The following EEA1 variants were observed in gnomAD, a reference collection of about 807,000 sequenced individuals.
The protein encoded by EEA1 is early endosome antigen 1, 162kD.
In EEA1, 111 loss-of-function variants were observed where a neutral mutation model predicts 209.2. The observed-to-expected ratio is 0.53, with a 90% CI of 0.45 to 0.62. The LOEUF is 0.62. Ranked by LOEUF, EEA1 falls within the 20% of genes least tolerant of loss-of-function variation. EEA1 has a pLI of 0.00. For synonymous variants in EEA1, 536 were observed against 540.6 expected (o/e 0.99, Z 0.12); for missense variants, 1,343 against 1,530.8 (o/e 0.88, Z 2.05).
At chr12:92,874,424 G>A (rs193280840) in intron 2 of EEA1, among the ~76,000 whole-genome samples, 326 of 152,364 alleles carry the variant, frequency 2.1e-3, no homozygotes, top group Non-Finnish European at 2.4e-3. Context: ...GGAGTGCAGT[G>A]GCACAATCTC....
At chr12:92,810,660 T>C (rs1163836387) in intron 17 of EEA1, among the ~76,000 whole-genome samples, 1 of 152,066 alleles carries the variant, frequency 6.6e-6, no homozygotes, top group Non-Finnish European at 1.5e-5. Context: ...TAAAAATTTT[T>C]TTTTTTTTTA....
At chr12:92,858,971 C>G (rs1878010192) in intron 3 of EEA1, 1 of 691,190 alleles carries the variant, frequency 1.4e-6, no homozygotes, top group Admixed American at 2.2e-5. Flanking sequence ...CGTTCAGCTG[C>G]CTATGCTGCT....
Position 92,809,269 on chromosome 12 carries a change from ATTT to A in EEA1, c.2200-116_2200-114del, listed in dbSNP as rs976800706. ...AAACAGGTGTGACATACAAAAAAAA[ATTT>A]ATTATAATAAAAAACATATTCTGAA... is the stretch of plus-strand genomic sequence containing the variant. On this transcript the variant is annotated intron_variant, in intron 17 of 28. Transcript: ENST00000322349. 12 of 701,876 alleles carry A rather than the reference ATTT, an allele frequency of 1.7e-5. No individual in the cohort carries two copies. The Admixed American group carries it at 2.0e-4, about 12-fold the overall frequency. The allele number at this position is 701,876 out of a possible 1,614,324, so 43.5% of individuals were successfully genotyped here. A position where few individuals can be genotyped will look rare whatever the true frequency, so the allele number is the denominator to read the frequency against.
At chr12:92,884,975 T>TTG (rs397764534) in intron 2 of EEA1, among the ~76,000 whole-genome samples, 3 of 151,468 alleles carry the variant, frequency 2.0e-5, no homozygotes, top group African/African-American at 7.3e-5. Flanking sequence ...TTTTTTTTTT[T>TTG]GCAAACATGC....
intron 2 of EEA1, chr12:92,884,205 G>A: frequency 5.3e-6 from 8 of 1,502,318 alleles, no homozygotes; most frequent in East Asian, 2.3e-5. Flanking sequence ...GCCAAGAAAA[G>A]GGGCTTTGCC....
intron 18 of EEA1, among the ~76,000 whole-genome samples, chr12:92,806,596 AAAG>A (rs1875217773): frequency 6.6e-6 from 1 of 152,230 alleles, no homozygotes. Context: ...ACTATTTCAG[AAAG>A]GAGGAGGAAA....
rs2136642649 is a variant in EEA1, at chr12:92,773,421, ATACAC to A, written c.*2585_*2589del. On this transcript the variant is annotated 3_prime_UTR_variant, in exon 29 of 29. Transcript: ENST00000322349. ...GAGGTAGTTGAACAAAATGTTATTT[ATACAC>A]TGCATTGAGGTTTTTGTGTTTGTTT... is the stretch of plus-strand genomic sequence containing the variant. 1 of 152,288 alleles carries A rather than the reference ATACAC, an allele frequency of 6.6e-6. No homozygotes were observed. Among genetic ancestry groups the A allele is most frequent in the South Asian group, 2.1e-4 (1 of 4,826 alleles). The allele number at this position is 152,288 out of a possible 1,614,324, so 9.4% of individuals were successfully genotyped here.
intron 1 of EEA1, among the ~76,000 whole-genome samples, chr12:92,895,079 A>G (rs1444243176): frequency 2.0e-5 from 3 of 151,686 alleles, no homozygotes; most frequent in Non-Finnish European, 4.4e-5. Flanking sequence ...CGCTCTATAC[A>G]TAGAACAAGA....
chr12:92,802,327 T>G, intron 19 of EEA1, 77 bp downstream of exon 19: 1 of 1,325,170 alleles, frequency 7.5e-7, no homozygotes, highest in East Asian at 2.5e-5. Flanking sequence ...AAGCAAACTG[T>G]GAATTAAGCA....
chr12:92,807,907 T>C (rs1875293025), intron 18 of EEA1, among the ~76,000 whole-genome samples: 1 of 152,214 alleles, frequency 6.6e-6, no homozygotes, highest in Admixed American at 6.5e-5. Flanking sequence ...TTTGTAGACA[T>C]GTACAAGTTA....
At chr12:92,886,014 A>G (rs1405713950) in intron 2 of EEA1, among the ~76,000 whole-genome samples, 1 of 152,182 alleles carries the variant, frequency 6.6e-6, no homozygotes, top group Non-Finnish European at 1.5e-5. Flanking sequence ...ATTACGAGTG[A>G]CATCCAACAG....
intron 13 of EEA1, among the ~76,000 whole-genome samples, chr12:92,819,891 C>T (rs1045119265): frequency 2.6e-5 from 4 of 152,092 alleles, no homozygotes; most frequent in African/African-American, 9.7e-5. Context: ...GAACTCTTCC[C>T]CCACAGAGTC....
At chr12:92,848,201 T>C (rs940048354) in intron 9 of EEA1, among the ~76,000 whole-genome samples, 2 of 151,822 alleles carry the variant, frequency 1.3e-5, no homozygotes, top group African/African-American at 4.8e-5. Flanking sequence ...TCTAAGCCAT[T>C]TTCCTTCTTT....
chr12:92,869,894 T>C lies in EEA1; in HGVS notation c.118-4907A>G, dbSNP rs193083048. Among the ~76,000 whole-genome samples, 8 of 151,788 alleles carry C rather than the reference T, an allele frequency of 5.3e-5. No homozygotes were observed. The East Asian group carries it at 1.5e-3, about 29-fold the overall frequency. On this transcript the variant is annotated intron_variant, in intron 2 of 28. Transcript: ENST00000322349. The stretch of plus-strand genomic sequence containing the variant: ...CCACAAGGTCCAGAAGGATAACATG[T>C]GATAAAATGCTAACCAGATTTTCAA...
At chr12:92,813,369 CT>C (rs982600863) in intron 15 of EEA1, among the ~76,000 whole-genome samples, 2 of 152,024 alleles carry the variant, frequency 1.3e-5, no homozygotes, top group Non-Finnish European at 2.9e-5. Flanking sequence ...AAAAGGTACA[CT>C]TTTTTTCCAA....
rs1319312755 is a variant in EEA1, at chr12:92,852,965, T to G, written c.467A>C (p.Gln156Pro). The G allele has an allele frequency of 6.2e-7, 1 of 1,612,436 alleles. No homozygotes were observed. The highest frequency in any genetic ancestry group is 8.5e-7 in the Non-Finnish European group (1 of 1,179,360). Residue 156 changes from glutamine to proline, a missense_variant, in exon 7 of 29, where the codon CAA (glutamine) becomes CCA (proline). By Grantham distance (76) the Gln-to-Pro change is moderately conservative. Coordinates refer to ENST00000322349, the MANE Select transcript of EEA1 (RefSeq NM_003566.4). ...TTTCTGTTCAAATAAGTCTTTCATT[T>G]GCTTAATATTAAAATTTTCTGTTTG... ...EAQTENFNIK[Q>P]MKDLFEQKAA...
chr12:92,868,116 C>A (rs1878480755), intron 2 of EEA1, among the ~76,000 whole-genome samples: 1 of 152,156 alleles, frequency 6.6e-6, no homozygotes, highest in Non-Finnish European at 1.5e-5. Context: ...CTGAAATGAG[C>A]AAACGGTAGT....
At position 92,864,993 on chromosome 12, in the gene EEA1, G is replaced by C; in HGVS notation, c.118-6C>G. The C allele has an allele frequency of 6.4e-7, 1 of 1,572,924 alleles. No individual in the cohort carries two copies. Among genetic ancestry groups the C allele is most frequent in the South Asian group, 1.2e-5 (1 of 82,704 alleles). ...CACTGGGGACATATGAAACCCTATA[G>C]AAAGGGGCAGAAAAAAGTTTCAAAA... On this transcript the variant is annotated splice_polypyrimidine_tract_variant and splice_region_variant and intron_variant, in intron 2 of 28. Transcript: ENST00000322349.
intron 9 of EEA1, among the ~76,000 whole-genome samples, chr12:92,850,391 A>G (rs1471020062): frequency 2.0e-5 from 3 of 152,192 alleles, no homozygotes; most frequent in Non-Finnish European, 4.4e-5. Flanking sequence ...AAGTCCATCA[A>G]TTAGAAATAA....
Sources: gnomAD v4.1 joint callset for allele counts (sites outside exome capture counted in the v4.1 genomes callset) on GRCh38, gnomAD v4.1.1 for gene constraint, MANE v1.5 for transcripts, NCBI Gene and HGNC (gene_info 2026-07-23, HGNC 2026-07-21) for gene names.